Variants in HOOK3 observed in about 807,000 individuals in gnomAD.
The protein encoded by HOOK3 is hook microtubule tethering protein 3, also known as protein Hook homolog 3.
In HOOK3, 24 loss-of-function variants were observed where a neutral mutation model predicts 116.3. That is an observed-to-expected ratio of 0.21 (90% confidence interval 0.15 to 0.29). The LOEUF (loss-of-function observed/expected upper bound fraction) is 0.29, where lower values mean the gene tolerates loss of function less well. HOOK3 is among the 10% of genes least tolerant of loss of function. HOOK3 has a pLI of 1.00. For synonymous variants in HOOK3, 275 were observed against 283.0 expected, an observed-to-expected ratio of 0.97 and a Z score of 0.28; for missense variants, 632 against 830.2, an observed-to-expected ratio of 0.76 and a Z score of 2.93.
intron 2 of HOOK3, among the ~76,000 whole-genome samples, chr8:42,909,931 G>T (rs1474986119): frequency 6.6e-6 from 1 of 152,140 alleles, no homozygotes. Flanking sequence ...TACCAGAGGC[G>T]GGGGGCCGAG....
At position 42,906,025 on chromosome 8, in the gene HOOK3, T is replaced by C. The variant is rs527841158; in HGVS notation, c.58-148T>C. On this transcript the variant is annotated intron_variant, in intron 1 of 21. Transcript: ENST00000307602. ...TCACTTGAACCTGGGAGGTGGAGGT[T>C]GCAGTGAGCCAAGATGGGGCCATTG... 13 of 646,270 alleles carry C rather than the reference T, an allele frequency of 2.0e-5. No individual in the cohort carries two copies. In the African/African-American group the frequency reaches 2.5e-4, roughly 12 times the overall value. 40.0% of individuals were successfully genotyped at this position (646,270 alleles called of 1,614,324 possible).
chr8:43,017,369 C>T (rs552497986), intron 21 of HOOK3, among the ~76,000 whole-genome samples: 3 of 152,290 alleles, frequency 2.0e-5, no homozygotes, highest in African/African-American at 4.8e-5. Context: ...TGGGCTCAAG[C>T]GAGCCTCCCA....
At position 43,028,451 on chromosome 8, in the gene HOOK3, T is replaced by C. The variant is rs1452101993; in HGVS notation, c.*9953T>C. 1 of 186,702 alleles carries C rather than the reference T, an allele frequency of 5.4e-6. No individual in the cohort carries two copies. Among genetic ancestry groups the C allele is most frequent in the Non-Finnish European group, 1.1e-5 (1 of 88,462 alleles). 11.6% of individuals were successfully genotyped at this position (186,702 alleles called of 1,614,324 possible). A position where few individuals can be genotyped will look rare whatever the true frequency, so the allele number is the denominator to read the frequency against. On this transcript the variant is annotated 3_prime_UTR_variant, in exon 22 of 22. Transcript: ENST00000307602. ...TTCAAATAAAGATTGATAGATTTAATGATATCCTTCCTTTTAAATTTATAT... is the reference window on the plus strand; with the variant it reads ...TTCAAATAAAGATTGATAGATTTAACGATATCCTTCCTTTTAAATTTATAT...
chr8:42,993,629 C>T (rs977350651), intron 15 of HOOK3, among the ~76,000 whole-genome samples: 11 of 152,218 alleles, frequency 7.2e-5, no homozygotes, highest in Non-Finnish European at 1.0e-4. Context: ...GTGAAGTCAT[C>T]GGATCTGGGG....
At chr8:43,007,407 G>T (rs920582778) in intron 17 of HOOK3, among the ~76,000 whole-genome samples, 4 of 152,154 alleles carry the variant, frequency 2.6e-5, no homozygotes, top group African/African-American at 9.7e-5. Context: ...ATCGTACATT[G>T]TTACCGCTTT....
chr8:42,949,865 C>T (rs1223764495), intron 5 of HOOK3, among the ~76,000 whole-genome samples: 2 of 151,062 alleles, frequency 1.3e-5, no homozygotes, highest in Non-Finnish European at 1.5e-5. Flanking sequence ...TGCAGTGAGC[C>T]GAGATGGCGC....
chr8:42,925,978 T>C (rs1217945214), intron 3 of HOOK3, among the ~76,000 whole-genome samples: 3 of 152,212 alleles, frequency 2.0e-5, no homozygotes, highest in African/African-American at 7.2e-5. Flanking sequence ...GAGTTAATAT[T>C]ATGCCAAGTA....
At chr8:43,018,255 G>A (rs934256667) in intron 21 of HOOK3, 103 bp from the exon 22 acceptor site, 41 of 1,075,814 alleles carry the variant, frequency 3.8e-5, no homozygotes, top group Non-Finnish European at 5.1e-5. Flanking sequence ...TCCTAATTGT[G>A]CTTTATGATA....
chr8:42,951,127 C>G (rs957979664), intron 6 of HOOK3, among the ~76,000 whole-genome samples: 13 of 152,144 alleles, frequency 8.5e-5, no homozygotes, highest in Non-Finnish European at 1.8e-4. Flanking sequence ...ATGGTGTGAT[C>G]TTGGCTCACT....
chr8:42,931,270 G>A (rs1366449071), intron 4 of HOOK3, among the ~76,000 whole-genome samples: 1 of 152,052 alleles, frequency 6.6e-6, no homozygotes, highest in Non-Finnish European at 1.5e-5. Flanking sequence ...CTCTGAGCAT[G>A]TGCTGTCTCA....
chr8:42,940,700 C>G lies in HOOK3; in HGVS notation c.268-2613C>G, dbSNP rs1586601560. Reference sequence around the variant, plus strand: ...CTTAACATTTTTTTCTTCATTTCAACCTTGGTGAATCTGACGATTATGTGT... The same window carrying G: ...CTTAACATTTTTTTCTTCATTTCAAGCTTGGTGAATCTGACGATTATGTGT... On this transcript the variant is annotated intron_variant, in intron 4 of 21. Transcript: ENST00000307602. Among the ~76,000 whole-genome samples the G allele has an allele frequency of 2.0e-5, 3 of 152,172 alleles. No homozygotes were observed. The East Asian group carries it at 5.8e-4, about 29-fold the overall frequency.
At chr8:42,978,170 A>G (rs759854901) in intron 13 of HOOK3, among the ~76,000 whole-genome samples, 4 of 152,250 alleles carry the variant, frequency 2.6e-5, no homozygotes, top group Non-Finnish European at 4.4e-5. Flanking sequence ...ATTAAATGTA[A>G]TATAGAAAAA....
chr8:42,935,842 T>G (rs1022118972), intron 4 of HOOK3, among the ~76,000 whole-genome samples: 8 of 152,248 alleles, frequency 5.3e-5, no homozygotes, highest in Non-Finnish European at 1.2e-4. Flanking sequence ...CCAACTTTGT[T>G]CTTTTTGCTT....
At chr8:42,932,925 A>G (rs1417168708) in intron 4 of HOOK3, among the ~76,000 whole-genome samples, 1 of 152,050 alleles carries the variant, frequency 6.6e-6, no homozygotes, top group Non-Finnish European at 1.5e-5. Flanking sequence ...GCCTACTGTG[A>G]TTTATATTAT....
chr8:42,983,572 C>T lies in HOOK3; in HGVS notation c.1391+876C>T, dbSNP rs538549785. On this transcript the variant is annotated intron_variant, in intron 14 of 21. Transcript: ENST00000307602. ...AGTCACGGCTCACTGCAGCCTTGAC[C>T]TTCTGGGCTCAAGCAATCCTCCTAC... 3.9e-5 allele frequency among the ~76,000 whole-genome samples: 6 copies of T among 152,236 alleles called. No homozygotes were observed. In the South Asian group the frequency reaches 1.2e-3, roughly 32 times the overall value.
Position 42,918,408 on chromosome 8 carries a change from GT to G in HOOK3, c.144-7141del, listed in dbSNP as rs201819936. Among the ~76,000 whole-genome samples the G allele has an allele frequency of 7.2e-5, 11 of 151,782 alleles. No homozygotes were observed. The East Asian group carries it at 7.7e-4, about 11-fold the overall frequency. ...CTAGCAGTAGCAATAAAATTTAGGT[GT>G]TTTTTTTAACATTTTTTTTTAAATT... On this transcript the variant is annotated intron_variant, in intron 2 of 21. Coordinates refer to ENST00000307602, the MANE Select transcript of HOOK3 (RefSeq NM_032410.4).
chr8:43,014,760 C>G (rs1467543457), intron 21 of HOOK3, among the ~76,000 whole-genome samples: 1 of 152,180 alleles, frequency 6.6e-6, no homozygotes, highest in African/African-American at 2.4e-5. Context: ...GTTAGTGTCC[C>G]TGGCCTCTGA....
intron 21 of HOOK3, among the ~76,000 whole-genome samples, chr8:43,016,663 T>G (rs1158328757): frequency 6.6e-6 from 1 of 152,214 alleles, no homozygotes; most frequent in Non-Finnish European, 1.5e-5. Flanking sequence ...GCTTGAAATG[T>G]GAAAGTGGAA....
At chr8:43,008,239 C>T (rs372317634) in intron 18 of HOOK3, among the ~76,000 whole-genome samples, 1 of 152,010 alleles carries the variant, frequency 6.6e-6, no homozygotes, top group Middle Eastern at 3.4e-3. Flanking sequence ...AGGATGGTTT[C>T]GATCTCCTGA....
Sources: gnomAD v4.1 joint callset for allele counts (sites outside exome capture counted in the v4.1 genomes callset) on GRCh38, gnomAD v4.1.1 for gene constraint, MANE v1.5 for transcripts, NCBI Gene and HGNC (gene_info 2026-07-23, HGNC 2026-07-21) for gene names.